NBAS: variants seen among roughly 807,000 people sequenced by gnomAD.
NBAS encodes the protein NBAS subunit of NRZ tethering complex.
In NBAS, 219 loss-of-function variants were observed where a neutral mutation model predicts 302.5. The observed-to-expected ratio is 0.72, with a 90% confidence interval of 0.65 to 0.81. NBAS has a LOEUF of 0.81. Among genes scored for constraint, NBAS ranks in the 30% least tolerant of loss-of-function variants. The probability of loss-of-function intolerance (pLI) is 0.00; values close to 1 mark genes in which losing one functional copy is unlikely to be tolerated. For synonymous variants in NBAS, 1,118 were observed against 1,021.6 expected (o/e 1.09, Z -1.80); for missense variants, 2,932 against 2,841.6 (o/e 1.03, Z -0.72).
At chr2:15,220,568 G>T (rs1666905756) in intron 47 of NBAS, among the ~76,000 whole-genome samples, 1 of 152,162 alleles carries the variant, frequency 6.6e-6, no homozygotes, top group Non-Finnish European at 1.5e-5. Flanking sequence ...ATTCAGAAAA[G>T]GGGACAGTTT....
chr2:15,045,386 T>C, the NBAS span, among the ~76,000 whole-genome samples: 4 of 152,220 alleles, frequency 2.6e-5, no homozygotes, highest in Admixed American at 2.0e-4. Flanking sequence ...ACCAGTAACA[T>C]GGCTGCCCAT....
At chr2:14,844,150 T>A in the NBAS span, among the ~76,000 whole-genome samples, 1 of 152,108 alleles carries the variant, frequency 6.6e-6, no homozygotes, top group Non-Finnish European at 1.5e-5. Context: ...ATACCTTTTT[T>A]CCACTTAAAA....
At chr2:15,318,141 A>G (rs1671605491) in intron 38 of NBAS, among the ~76,000 whole-genome samples, 1 of 152,182 alleles carries the variant, frequency 6.6e-6, no homozygotes. Context: ...TCATATCCAG[A>G]CAAACCAAGC....
chr2:14,915,691 T>A, the NBAS span, among the ~76,000 whole-genome samples: 1 of 152,154 alleles, frequency 6.6e-6, no homozygotes, highest in Non-Finnish European at 1.5e-5. Flanking sequence ...GCCTCCCAAG[T>A]AGCTGGGACT....
intron 42 of NBAS, among the ~76,000 whole-genome samples, chr2:15,285,856 T>C (rs982421818): frequency 2.0e-5 from 3 of 152,204 alleles, no homozygotes; most frequent in African/African-American, 7.2e-5. Context: ...GGTTTCTCCA[T>C]GTTGGCCAGG....
chr2:15,499,932 T>TA (rs1429191266), intron 11 of NBAS, among the ~76,000 whole-genome samples: 4 of 152,024 alleles, frequency 2.6e-5, no homozygotes, highest in African/African-American at 9.7e-5. Flanking sequence ...AGAGTATCAC[T>TA]AGTATCTGCT....
At chr2:15,515,894 A>G (rs1364220714) in intron 9 of NBAS, among the ~76,000 whole-genome samples, 1 of 152,200 alleles carries the variant, frequency 6.6e-6, no homozygotes, top group Admixed American at 6.5e-5. Flanking sequence ...TAGGAAGCAC[A>G]GAGTGAAGAA....
At chr2:15,214,805 A>G (rs1055230456) in intron 48 of NBAS, among the ~76,000 whole-genome samples, 1 of 152,206 alleles carries the variant, frequency 6.6e-6, no homozygotes, top group African/African-American at 2.4e-5. Context: ...GGTTTCTGAA[A>G]AGAAGGGTTA....
chr2:15,090,139 T>TG, the NBAS span, among the ~76,000 whole-genome samples: 2 of 152,220 alleles, frequency 1.3e-5, no homozygotes, highest in African/African-American at 2.4e-5. Flanking sequence ...GTCAAGTCCC[T>TG]GCCCCTACTA....
At chr2:15,266,488 C>T (rs142229891) in intron 44 of NBAS, among the ~76,000 whole-genome samples, 251 of 152,222 alleles carry the variant, frequency 1.6e-3, no homozygotes, top group African/African-American at 5.1e-3. Flanking sequence ...TGGGAGAAAC[C>T]GACAGGATCC....
chr2:14,905,602 G>A, the NBAS span, among the ~76,000 whole-genome samples: 14 of 152,334 alleles, frequency 9.2e-5, no homozygotes, highest in Non-Finnish European at 1.9e-4. Context: ...AAATGCCGAT[G>A]ACCTATTTAT....
At chr2:14,834,439 T>C in the NBAS span, among the ~76,000 whole-genome samples, 1 of 152,128 alleles carries the variant, frequency 6.6e-6, no homozygotes, top group East Asian at 1.9e-4. Context: ...TGGAATCTCC[T>C]CAAAAGAGGT....
intron 19 of NBAS, 141 bp from the exon 20 acceptor site, chr2:15,461,932 C>A: frequency 1.6e-6 from 1 of 618,366 alleles, no homozygotes; most frequent in Non-Finnish European, 2.9e-6. Context: ...CAATTGTTAA[C>A]TAAAGTACTA....
chr2:15,195,688 T>A (rs1665588410), intron 48 of NBAS, among the ~76,000 whole-genome samples: 1 of 152,142 alleles, frequency 6.6e-6, no homozygotes, highest in Non-Finnish European at 1.5e-5. Flanking sequence ...AGTCTCCCAA[T>A]AGACAGAAAA....
At chr2:15,111,905 TATATTAATTAA>T in the NBAS span, among the ~76,000 whole-genome samples, 1 of 147,648 alleles carries the variant, frequency 6.8e-6, no homozygotes, top group Non-Finnish European at 1.5e-5. Context: ...TATTATATAT[TATATTAATTAA>T]ATATTAATAT....
chr2:15,399,967 A>G (rs111827204), intron 26 of NBAS, among the ~76,000 whole-genome samples: 1 of 152,330 alleles, frequency 6.6e-6, no homozygotes, highest in East Asian at 1.9e-4. Context: ...AAAAGTGTGC[A>G]ATTGTGGCAT....
In NBAS at chr2:15,431,843, T is replaced by TA. The variant is rs200685895; in HGVS notation, c.2340-4050dup. Among the ~76,000 whole-genome samples the TA allele has an allele frequency of 9.4e-3, 1,400 of 149,556 alleles. 15 individuals are homozygous for TA. Among genetic ancestry groups the TA allele is most frequent in the African/African-American group, 0.034 (1,321 of 39,244 alleles). Reference sequence around the variant, plus strand: ...GGATATCCCATTATATCTCAGTTAATAAAAAAAAGACAAGAATACATGTTA... The same window carrying TA: ...GGATATCCCATTATATCTCAGTTAATAAAAAAAAAGACAAGAATACATGTTA... On this transcript the variant is annotated intron_variant, in intron 21 of 51. Coordinates refer to ENST00000281513, the MANE Select transcript of NBAS (RefSeq NM_015909.4).
chr2:15,516,779 C>CAAAGTATT (rs1287212915), intron 9 of NBAS, among the ~76,000 whole-genome samples: 2 of 148,036 alleles, frequency 1.4e-5, no homozygotes, highest in African/African-American at 5.0e-5. Context: ...ACAGAACTAA[C>CAAAGTATT]AAAGTATTAG....
chr2:15,209,111 G>A (rs1219265447), intron 48 of NBAS, among the ~76,000 whole-genome samples: 1 of 152,008 alleles, frequency 6.6e-6, no homozygotes, highest in Non-Finnish European at 1.5e-5. Context: ...GATGAAAAAG[G>A]AGACATTTCA....
Sources: allele counts gnomAD v4.1 joint callset (sites outside exome capture counted in the v4.1 genomes callset), GRCh38; gene constraint gnomAD v4.1.1; transcripts MANE v1.5; gene names NCBI Gene and HGNC (gene_info 2026-07-23, HGNC 2026-07-21).